The following EIF4ENIF1 variants were observed in gnomAD, a reference collection of about 807,000 sequenced individuals.
The protein encoded by EIF4ENIF1 is eukaryotic translation initiation factor 4E transporter.
EIF4ENIF1 carries 23 observed loss-of-function variants against 110.5 expected under a neutral mutation model. The observed-to-expected ratio is 0.21, with a 90% CI of 0.15 to 0.29. The LOEUF (loss-of-function observed/expected upper bound fraction) is 0.29. EIF4ENIF1 is among the 10% of genes least tolerant of loss of function. The pLI is 1.00. For synonymous variants in EIF4ENIF1, 440 were observed against 437.0 expected, an observed-to-expected ratio of 1.01 and a Z score of -0.09; for missense variants, 1,031 against 1,221.1, an observed-to-expected ratio of 0.84 and a Z score of 2.32.
At chr22:31,455,472 C>T (rs1029784966) in intron 8 of EIF4ENIF1, among the ~76,000 whole-genome samples, 157 bp from the exon 9 acceptor site, 4 of 150,406 alleles carry the variant, frequency 2.7e-5, no homozygotes, top group Admixed American at 6.7e-5. Context: ...AATCTCGGCT[C>T]ACTGCAACCT....
intron 7 of EIF4ENIF1, among the ~76,000 whole-genome samples, chr22:31,457,534 A>C (rs2050867611): frequency 6.6e-6 from 1 of 152,180 alleles, no homozygotes; most frequent in African/African-American, 2.4e-5. Context: ...ATGCTTTTTC[A>C]AAAACTGGTA....
At chr22:31,450,986 T>A (rs2050654852) in intron 10 of EIF4ENIF1, 1 of 152,984 alleles carries the variant, frequency 6.5e-6, no homozygotes, top group Admixed American at 6.5e-5. Context: ...ACACAAGCGA[T>A]CCTCTCATCT....
At chr22:31,444,759 C>T (rs1024863198) in intron 14 of EIF4ENIF1, 69 bp from the exon 15 acceptor site, 2 of 1,455,876 alleles carry the variant, frequency 1.4e-6, no homozygotes, top group Middle Eastern at 1.7e-4. Flanking sequence ...CCATATAATA[C>T]TCAAGACCAG....
chr22:31,477,424 A>G (rs2146065533), intron 2 of EIF4ENIF1, among the ~76,000 whole-genome samples: 1 of 150,196 alleles, frequency 6.7e-6, no homozygotes, highest in Admixed American at 6.6e-5. Flanking sequence ...ATTCAAAGTT[A>G]ATGTTTTGTT....
At chr22:31,452,636 A>G (rs2050708273) in intron 10 of EIF4ENIF1, among the ~76,000 whole-genome samples, 1 of 152,258 alleles carries the variant, frequency 6.6e-6, no homozygotes, top group African/African-American at 2.4e-5. Context: ...GATATGAACC[A>G]CACCATTGCA....
At chr22:31,466,880 A>G (rs997505722) in intron 4 of EIF4ENIF1, among the ~76,000 whole-genome samples, 1 of 152,210 alleles carries the variant, frequency 6.6e-6, no homozygotes, top group Non-Finnish European at 1.5e-5. Flanking sequence ...AGGAAACTGA[A>G]GATTAGTCCA....
intron 2 of EIF4ENIF1, among the ~76,000 whole-genome samples, chr22:31,486,344 G>C (rs1336874826): frequency 1.3e-5 from 2 of 151,760 alleles, no homozygotes; most frequent in African/African-American, 2.4e-5. Flanking sequence ...TGCACCTGTA[G>C]TCCCAGCTAC....
At chr22:31,475,721 TAAAAA>T (rs11089509) in intron 2 of EIF4ENIF1, among the ~76,000 whole-genome samples, 1 of 133,860 alleles carries the variant, frequency 7.5e-6, no homozygotes, top group Admixed American at 7.7e-5. Flanking sequence ...AGACTCCGTT[TAAAAA>T]AAAAAAAAAA....
intron 2 of EIF4ENIF1, among the ~76,000 whole-genome samples, chr22:31,488,063 G>C (rs767512767): frequency 2.0e-5 from 3 of 152,126 alleles, no homozygotes; most frequent in Non-Finnish European, 4.4e-5. Flanking sequence ...TCTCCCAAAA[G>C]CAGTTATCTG....
intron 7 of EIF4ENIF1, among the ~76,000 whole-genome samples, chr22:31,456,427 G>A (rs529125618): frequency 3.3e-5 from 5 of 151,920 alleles, no homozygotes; most frequent in South Asian, 2.1e-4. Context: ...GTTTTACCGT[G>A]TTAGCCAGGA....
intron 7 of EIF4ENIF1, among the ~76,000 whole-genome samples, chr22:31,456,671 T>C (rs1343133676): frequency 6.6e-6 from 1 of 152,148 alleles, no homozygotes; most frequent in Non-Finnish European, 1.5e-5. Flanking sequence ...TACGCCACCA[T>C]ATGCCTGGCT....
intron 10 of EIF4ENIF1, among the ~76,000 whole-genome samples, chr22:31,453,661 C>T (rs909257364): frequency 1.3e-5 from 2 of 152,184 alleles, no homozygotes; most frequent in Non-Finnish European, 2.9e-5. Flanking sequence ...GCGTGAGCCA[C>T]TGTGCTCAGC....
chr22:31,491,325 A>AT (rs1390744132), upstream of EIF4ENIF1, among the ~76,000 whole-genome samples: 1 of 152,204 alleles, frequency 6.6e-6, no homozygotes, highest in Non-Finnish European at 1.5e-5. Flanking sequence ...TTTGGAATCC[A>AT]AATTCTTCCT....
chr22:31,443,806 CTTTT>C (rs386395221), intron 15 of EIF4ENIF1, among the ~76,000 whole-genome samples: 3 of 129,128 alleles, frequency 2.3e-5, no homozygotes, highest in East Asian at 4.9e-4. Context: ...GGGAATGAAC[CTTTT>C]TTTTTTTTTT....
chr22:31,476,552 G>A (rs2051578926), intron 2 of EIF4ENIF1, among the ~76,000 whole-genome samples: 1 of 152,114 alleles, frequency 6.6e-6, no homozygotes, highest in East Asian at 1.9e-4. Context: ...AACATAATAT[G>A]GTATCCTGGA....
At chr22:31,486,619 A>C (rs933658139) in intron 2 of EIF4ENIF1, among the ~76,000 whole-genome samples, 2 of 146,118 alleles carry the variant, frequency 1.4e-5, no homozygotes, top group Non-Finnish European at 3.0e-5. Context: ...TCTCCACTAA[A>C]ACTACAAAAA....
At position 31,440,011 on chromosome 22, in the gene EIF4ENIF1, G is replaced by A; in HGVS notation, c.2827C>T (p.His943Tyr). 1.2e-6 allele frequency: 2 copies of A among 1,613,956 alleles called. No homozygotes were observed. The highest frequency in any genetic ancestry group is 1.7e-6 in the Non-Finnish European group (2 of 1,179,914). The change falls in exon 19 of 19, where the codon CAT (histidine) becomes TAT (tyrosine). Residue 943 changes from histidine (H) to tyrosine (Y), a missense_variant. His to Tyr is a moderately conservative substitution (Grantham distance 83, BLOSUM62 2). This residue lies in a region of EIF4ENIF1 where 309 missense variants were observed against 299.1 expected (regional missense o/e 1.03). Transcript: ENST00000330125. ...GLPHMHSQLE[H>Y]RPSQRSSSPV... Reference sequence around the variant, plus strand: ...GAGCTGCTCCTCTGGCTGGGGCGATGCTCCAGCTGGGAGTGCATGTGGGGC... The same window carrying A: ...GAGCTGCTCCTCTGGCTGGGGCGATACTCCAGCTGGGAGTGCATGTGGGGC...
At chr22:31,480,521 G>A (rs991331921) in intron 2 of EIF4ENIF1, among the ~76,000 whole-genome samples, 1 of 152,082 alleles carries the variant, frequency 6.6e-6, no homozygotes, top group Non-Finnish European at 1.5e-5. Flanking sequence ...ACTTTGGGAG[G>A]GTGAGACGGG....
At chr22:31,443,949 A>G (rs1241307462) in intron 15 of EIF4ENIF1, among the ~76,000 whole-genome samples, 2 of 151,474 alleles carry the variant, frequency 1.3e-5, no homozygotes, top group Non-Finnish European at 2.9e-5. Context: ...GATGTGCACC[A>G]CCATGCCCGA....
Sources: allele counts gnomAD v4.1 joint callset (sites outside exome capture counted in the v4.1 genomes callset), GRCh38; gene constraint gnomAD v4.1.1; regional missense constraint gnomAD v4.1.1; transcripts MANE v1.5; gene names NCBI Gene and HGNC (gene_info 2026-07-23, HGNC 2026-07-21).